The following SLC35F1 variants were observed in gnomAD, a reference collection of about 807,000 sequenced individuals.
SLC35F1 encodes the protein solute carrier family 35 member F1.
In SLC35F1, 14 loss-of-function variants were observed where a neutral mutation model predicts 48.7. The ratio of observed to expected loss-of-function variants is 0.29; its 90% CI spans 0.19 to 0.45. The LOEUF is 0.45. Ranked by LOEUF, SLC35F1 falls within the 20% of genes least tolerant of loss-of-function variation. The pLI is 1.00. For synonymous variants in SLC35F1, 190 were observed against 202.2 expected (o/e 0.94, Z 0.51); for missense variants, 404 against 500.0 (o/e 0.81, Z 1.83).
At chr6:118,210,734 A>G (rs1470340457) in intron 2 of SLC35F1, among the ~76,000 whole-genome samples, 2 of 151,984 alleles carry the variant, frequency 1.3e-5, no homozygotes, top group Non-Finnish European at 2.9e-5. Context: ...TGTCTCCTTG[A>G]CTCTGGTTAT....
chr6:117,924,484 ACGT>A (rs1775998154), intron 1 of SLC35F1, among the ~76,000 whole-genome samples: 1 of 17,726 alleles, frequency 5.6e-5, no homozygotes, highest in African/African-American at 9.8e-5. Flanking sequence ...ATATGTATAT[ACGT>A]ATATACATAT....
intron 1 of SLC35F1, among the ~76,000 whole-genome samples, chr6:118,054,452 T>TCCG: frequency 6.6e-6 from 1 of 152,232 alleles, no homozygotes; most frequent in Admixed American, 6.5e-5. Flanking sequence ...TGGGACAAAA[T>TCCG]ATAAAGGTTA....
At chr6:118,252,453 G>A (rs748048072) in intron 3 of SLC35F1, among the ~76,000 whole-genome samples, 1 of 152,146 alleles carries the variant, frequency 6.6e-6, no homozygotes, top group Non-Finnish European at 1.5e-5. Flanking sequence ...GAATGGTTGT[G>A]CCATGTGGTA....
At chr6:117,952,220 CAG>C (rs1293657760) in intron 1 of SLC35F1, among the ~76,000 whole-genome samples, 1 of 151,898 alleles carries the variant, frequency 6.6e-6, no homozygotes. Flanking sequence ...GGGGAGGAGA[CAG>C]TGTAAGTCTG....
intron 2 of SLC35F1, among the ~76,000 whole-genome samples, chr6:118,199,954 A>T (rs1251531252): frequency 2.0e-5 from 3 of 152,188 alleles, no homozygotes; most frequent in Non-Finnish European, 2.9e-5. Context: ...AAATCTTTTT[A>T]AAAATTTTTA....
rs565183704 is a variant in SLC35F1 at position 117,983,663 on chromosome 6, A to T, written c.173+75764A>T. The stretch of plus-strand genomic sequence containing the variant: ...AGATAGGAAAAAAAGTTTTTTCCTG[A>T]TCCACAGAACTTTCCTCATTCTGAC... On this transcript the variant is annotated intron_variant, in intron 1 of 7. Transcript: ENST00000360388. Among the ~76,000 whole-genome samples the T allele has an allele frequency of 2.1e-4, 32 of 152,344 alleles. No homozygotes were observed. In the South Asian group the frequency reaches 5.6e-3, roughly 27 times the overall value.
At chr6:118,198,408 A>T (rs1039493411) in intron 2 of SLC35F1, among the ~76,000 whole-genome samples, 10 of 152,312 alleles carry the variant, frequency 6.6e-5, no homozygotes, top group African/African-American at 1.9e-4. Context: ...AGGAGGCCCT[A>T]TTATTCATGA....
intron 1 of SLC35F1, among the ~76,000 whole-genome samples, chr6:118,052,081 C>T (rs372343472): frequency 1.3e-5 from 2 of 152,190 alleles, no homozygotes. Flanking sequence ...TAAATGCTGG[C>T]TCTTCTCATC....
chr6:118,309,929 G>T (rs1043594922), intron 7 of SLC35F1, among the ~76,000 whole-genome samples: 10 of 152,174 alleles, frequency 6.6e-5, no homozygotes, highest in African/African-American at 2.4e-4. Flanking sequence ...GTTTTAAGCA[G>T]CACTCGGGGA....
intron 1 of SLC35F1, among the ~76,000 whole-genome samples, chr6:118,040,489 G>A (rs1311007646): frequency 6.6e-6 from 1 of 152,158 alleles, no homozygotes; most frequent in East Asian, 1.9e-4. Context: ...AAAGACGAAA[G>A]TTACTTCTGT....
intron 1 of SLC35F1, among the ~76,000 whole-genome samples, chr6:118,054,431 A>G (rs1051975924): frequency 6.6e-6 from 1 of 152,224 alleles, no homozygotes; most frequent in African/African-American, 2.4e-5. Flanking sequence ...GTATGATTGA[A>G]ATATTTACTT....
chr6:118,205,809 G>A (rs1562324942), intron 2 of SLC35F1, among the ~76,000 whole-genome samples: 4 of 152,160 alleles, frequency 2.6e-5, no homozygotes, highest in Non-Finnish European at 5.9e-5. Flanking sequence ...AGCCACAAAA[G>A]AATGATATTT....
intron 1 of SLC35F1, among the ~76,000 whole-genome samples, chr6:117,963,559 A>C (rs546472855): frequency 3.3e-5 from 5 of 152,300 alleles, no homozygotes; most frequent in Non-Finnish European, 7.4e-5. Flanking sequence ...GAAAGTAAAC[A>C]TTTCCAAGAA....
chr6:118,275,475 A>C lies in SLC35F1; in HGVS notation c.654A>C (p.Val218=), dbSNP rs535762917. 6.2e-7 allele frequency: 1 copy of C among 1,612,948 alleles called. No homozygotes were observed. Among genetic ancestry groups the C allele is most frequent in the South Asian group, 1.1e-5 (1 of 90,844 alleles). The change falls in exon 5 of 8, where the codon GTA becomes GTC. Residue 218 remains valine (V), a synonymous_variant. Coordinates refer to ENST00000360388, the MANE Select transcript of SLC35F1 (RefSeq NM_001029858.4). ...RHQGAGENKL[V]GDLLVLGGAT... is the part of the protein sequence containing the mutation. ...GGTTCCTAGGGGAAAATAAGCTGGT[A>C]GGGGACCTTCTGGTCTTAGGAGGAG...
chr6:117,926,907 G>C (rs1468875450), intron 1 of SLC35F1, among the ~76,000 whole-genome samples: 1 of 152,040 alleles, frequency 6.6e-6, no homozygotes, highest in Non-Finnish European at 1.5e-5. Context: ...GGAGAGTTAT[G>C]ATGTACTCTA....
At chr6:118,284,689 A>T (rs999129481) in intron 6 of SLC35F1, among the ~76,000 whole-genome samples, 6 of 152,186 alleles carry the variant, frequency 3.9e-5, no homozygotes, top group Non-Finnish European at 8.8e-5. Flanking sequence ...CAAGATTCTA[A>T]TTCAGTATTC....
At chr6:118,232,463 G>A (rs553160201) in intron 2 of SLC35F1, among the ~76,000 whole-genome samples, 17 of 149,280 alleles carry the variant, frequency 1.1e-4, no homozygotes, top group East Asian at 2.0e-4. Flanking sequence ...CAGGAGAATC[G>A]CTTGAACCCA....
intron 6 of SLC35F1, among the ~76,000 whole-genome samples, chr6:118,282,014 G>C (rs1450202360): frequency 1.3e-5 from 2 of 152,188 alleles, no homozygotes; most frequent in African/African-American, 4.8e-5. Flanking sequence ...ATAAGGACAA[G>C]AGTGATCAAA....
At chr6:118,002,476 G>T (rs1214177373) in intron 1 of SLC35F1, among the ~76,000 whole-genome samples, 1 of 151,918 alleles carries the variant, frequency 6.6e-6, no homozygotes, top group African/African-American at 2.4e-5. Context: ...GGGAGGGATA[G>T]CATTAGGAGA....
Sources: gnomAD v4.1 joint callset for allele counts (sites outside exome capture counted in the v4.1 genomes callset) on GRCh38, gnomAD v4.1.1 for gene constraint, MANE v1.5 for transcripts, NCBI Gene and HGNC (gene_info 2026-07-23, HGNC 2026-07-21) for gene names.